NSD1: variants seen among roughly 807,000 people sequenced by gnomAD.
NSD1 encodes nuclear receptor binding SET domain protein 1.
A neutral mutation model predicts 242.7 loss-of-function variants in NSD1; 26 were observed. That is an observed-to-expected ratio of 0.11 (90% confidence interval 0.08 to 0.15). NSD1 has a LOEUF of 0.15. Among genes scored for constraint, NSD1 ranks in the 10% least tolerant of loss-of-function variants. The pLI is 1.00. For synonymous variants in NSD1, 1,106 were observed against 1,178.1 expected, an observed-to-expected ratio of 0.94 and a Z score of 1.25; for missense variants, 2,495 against 3,272.8, an observed-to-expected ratio of 0.76 and a Z score of 5.80.
chr5:177,250,380 G>C lies in NSD1; in HGVS notation c.4642-1350G>C, dbSNP rs192564775. ...CTTGTCTGGATCAGTCTTTGTGTAG[G>C]TCCCTTGTGCTGTCACAATTTATTA... On this transcript the variant is annotated intron_variant, in intron 11 of 22. Transcript: ENST00000439151. Among the ~76,000 whole-genome samples the C allele has an allele frequency of 9.9e-5, 15 of 152,018 alleles. No homozygotes were observed. The East Asian group carries it at 2.5e-3, about 26-fold the overall frequency.
intron 17 of NSD1, among the ~76,000 whole-genome samples, chr5:177,276,013 G>A (rs933951947): frequency 6.6e-6 from 1 of 151,732 alleles, no homozygotes; most frequent in Non-Finnish European, 1.5e-5. Context: ...CCTCCGCTTC[G>A]TGGGCGCAAG....
Position 177,295,581 on chromosome 5 carries a change from A to T in NSD1, c.*122A>T. ...CTGCCCCGAACACTTTCCCACTGTT[A>T]TTCTTTCCTCATATCCCAACACTCA... On this transcript the variant is annotated 3_prime_UTR_variant, in exon 23 of 23. Transcript: ENST00000439151. The surrounding 1 kb of genome is among the most constrained non-coding windows in gnomAD (Gnocchi z 4.3). The T allele has an allele frequency of 9.8e-7, 1 of 1,024,692 alleles. No homozygotes were observed. 63.5% of individuals were successfully genotyped at this position (1,024,692 alleles called of 1,614,324 possible).
chr5:177,187,644 C>T (rs1482205090), intron 2 of NSD1, among the ~76,000 whole-genome samples: 1 of 152,136 alleles, frequency 6.6e-6, no homozygotes, highest in Non-Finnish European at 1.5e-5. Flanking sequence ...GTGTATCTGT[C>T]CCTGTCCCTC....
At position 177,257,021 on chromosome 5, in the gene NSD1, A is replaced by G. The variant is rs772532057; in HGVS notation, c.4836A>G (p.Gly1612=). 4.3e-6 allele frequency: 7 copies of G among 1,613,980 alleles called. No individual in the cohort carries two copies. The highest frequency in any genetic ancestry group is 2.2e-5 in the South Asian group (2 of 91,086). The change falls in exon 13 of 23, where the codon GGA becomes GGG. Residue 1612 remains glycine, a synonymous_variant. Transcript: ENST00000439151. ...DVKRCLLPLC[G]KFYHEECVQK... is the part of the protein sequence containing the mutation. ...AAAGGTGCCTTCTACCCTTGTGTGG[A>G]AAGTTTTACCATGAAGAGTGTGTCC... is the stretch of plus-strand genomic sequence containing the variant.
In NSD1 at chr5:177,160,022, T is replaced by G. The variant is rs186616705; in HGVS notation, c.927+23992T>G. ...CTCCTGCTTCAGCCTCCTGAGTACCTGGGACCACAGGTGTGCACCACCATG... is the reference window on the plus strand; with the variant it reads ...CTCCTGCTTCAGCCTCCTGAGTACCGGGGACCACAGGTGTGCACCACCATG... On this transcript the variant is annotated intron_variant, in intron 2 of 22. Transcript: ENST00000439151. 3.3e-5 allele frequency among the ~76,000 whole-genome samples: 5 copies of G among 152,264 alleles called. No individual in the cohort carries two copies. The East Asian group carries it at 9.6e-4, about 29-fold the overall frequency.
intron 2 of NSD1, among the ~76,000 whole-genome samples, chr5:177,173,162 G>A (rs1225935927): frequency 6.6e-6 from 1 of 150,904 alleles, no homozygotes. Flanking sequence ...CGTGGTGGCA[G>A]GTGCCTGTAG....
At position 177,209,750 on chromosome 5, in the gene NSD1, A is replaced by G. The variant is rs1441181590; in HGVS notation, c.1351A>G (p.Ser451Gly). 6.2e-7 allele frequency: 1 copy of G among 1,614,156 alleles called. No individual in the cohort carries two copies. Among genetic ancestry groups the G allele is most frequent in the East Asian group, 2.2e-5 (1 of 44,870 alleles). The change falls in exon 5 of 23, where the codon AGT (serine) becomes GGT (glycine). Residue 451 changes from serine (S) to glycine (G), a missense_variant. Ser to Gly is a moderately conservative substitution (Grantham distance 56, BLOSUM62 0). Around this residue, in one of 19 missense-constraint regions of NSD1, gnomAD observed 515 missense variants for 467.0 expected, o/e 1.10. Transcript: ENST00000439151. ...KCIPGSIKLD[S>G]EEDMPFEDCT... ...TATTCCTGGTTCAATCAAGTTGGAC[A>G]GTGAAGAAGATATGCCATTTGAAGA...
chr5:177,161,415 T>G (rs1581168868), intron 2 of NSD1, among the ~76,000 whole-genome samples: 1 of 150,034 alleles, frequency 6.7e-6, no homozygotes. Flanking sequence ...GCTGGGAGGG[T>G]GGGGCAGGAA....
chr5:177,153,024 T>A (rs1413473788), intron 2 of NSD1, among the ~76,000 whole-genome samples: 2 of 152,006 alleles, frequency 1.3e-5, no homozygotes, highest in African/African-American at 4.8e-5. Context: ...TTAAATTATG[T>A]TTTTATTTAG....
intron 2 of NSD1, among the ~76,000 whole-genome samples, chr5:177,176,146 G>T (rs1390557247): frequency 6.6e-6 from 1 of 152,216 alleles, no homozygotes; most frequent in Non-Finnish European, 1.5e-5. Flanking sequence ...AAAGTGCTGG[G>T]ATTGCAGGCC....
At chr5:177,197,423 C>T (rs1342474892) in intron 3 of NSD1, among the ~76,000 whole-genome samples, 1 of 152,176 alleles carries the variant, frequency 6.6e-6, no homozygotes, top group Non-Finnish European at 1.5e-5. Context: ...GCGATGGAGA[C>T]CATCCTGGCT....
At chr5:177,164,618 T>C (rs1759032293) in intron 2 of NSD1, among the ~76,000 whole-genome samples, 2 of 152,150 alleles carry the variant, frequency 1.3e-5, no homozygotes, top group Admixed American at 6.6e-5. Context: ...AAAATAGTTT[T>C]ATCTTGGGAA....
Position 177,282,709 on chromosome 5 carries a change from T to C in NSD1, c.6009+128T>C, listed in dbSNP as rs1261098097. On this transcript the variant is annotated intron_variant, in intron 19 of 22. Transcript: ENST00000439151. ...CTTTTCCCATACCCATTGGGATTGC[T>C]GGATTGGGGTTCTGGAGTAGGTAAG... 7 of 796,164 alleles carry C rather than the reference T, an allele frequency of 8.8e-6. No individual in the cohort carries two copies. In the African/African-American group the frequency reaches 1.2e-4, roughly 13 times the overall value. 49.3% of individuals were successfully genotyped at this position (796,164 alleles called of 1,614,324 possible).
chr5:177,193,535 C>G lies in NSD1; in HGVS notation c.1063+1516C>G, dbSNP rs186489820. ...CAGGTGATCCTCCTTCCTCAGCCTC[C>G]CAAAGTGTTGGGATTACAGGTGTGA... On this transcript the variant is annotated intron_variant, in intron 3 of 22. Transcript: ENST00000439151. Among the ~76,000 whole-genome samples, 39 of 152,094 alleles carry G rather than the reference C, an allele frequency of 2.6e-4. No homozygotes were observed. In the East Asian group the frequency reaches 6.6e-3, roughly 26 times the overall value.
At chr5:177,245,121 T>C (rs1266028163) in intron 9 of NSD1, among the ~76,000 whole-genome samples, 1 of 152,164 alleles carries the variant, frequency 6.6e-6, no homozygotes, top group African/African-American at 2.4e-5. Context: ...TAAGCTGACA[T>C]GTAGCTTAAC....
At chr5:177,218,397 T>C (rs1763951394) in intron 5 of NSD1, among the ~76,000 whole-genome samples, 1 of 152,176 alleles carries the variant, frequency 6.6e-6, no homozygotes, top group Admixed American at 6.5e-5. Flanking sequence ...TTTTCAGTCA[T>C]GAAAGGTAGT....
intron 3 of NSD1, among the ~76,000 whole-genome samples, chr5:177,195,850 T>C (rs995853784): frequency 2.0e-5 from 3 of 152,142 alleles, no homozygotes; most frequent in Non-Finnish European, 2.9e-5. Flanking sequence ...ATAGATTGAG[T>C]ACTGTGCTAG....
chr5:177,257,526 C>T (rs1051740989), intron 13 of NSD1, among the ~76,000 whole-genome samples: 6 of 151,310 alleles, frequency 4.0e-5, no homozygotes, highest in African/African-American at 4.9e-5. Context: ...CCGCTGCGCC[C>T]GGCCGGCAAC....
intron 2 of NSD1, among the ~76,000 whole-genome samples, chr5:177,164,149 C>CTT (rs56076836): frequency 0.084 from 11,636 of 138,144 alleles, 975 homozygotes; most frequent in African/African-American, 0.21. Context: ...AAAATGTAAC[C>CTT]TTTTTTTTTT....
Sources: gnomAD v4.1 joint callset for allele counts (sites outside exome capture counted in the v4.1 genomes callset) on GRCh38, gnomAD v4.1.1 for gene constraint, gnomAD v4.1.1 regional missense constraint, Gnocchi (gnomAD v3.1) non-coding constraint, MANE v1.5 for transcripts, NCBI Gene and HGNC (gene_info 2026-07-23, HGNC 2026-07-21) for gene names.